SNX13: variants seen among roughly 807,000 people sequenced by gnomAD.
The protein encoded by SNX13 is sorting nexin-13.
Under a neutral mutation model 133.6 loss-of-function variants are expected in SNX13, and 45 were observed. The ratio of observed to expected loss-of-function variants is 0.34; its 90% confidence interval spans 0.27 to 0.43. The LOEUF (loss-of-function observed/expected upper bound fraction) is 0.43. Ranked by LOEUF, SNX13 falls within the 20% of genes least tolerant of loss-of-function variation. SNX13 has a pLI of 1.00. For synonymous variants in SNX13, 414 were observed against 373.9 expected (o/e 1.11, Z -1.24); for missense variants, 1,032 against 1,145.1 (o/e 0.90, Z 1.43).
rs143506312 is a variant in SNX13 at position 17,858,282 on chromosome 7, A to G, written c.838-7318T>C. 1.5e-3 allele frequency among the ~76,000 whole-genome samples: 235 copies of G among 152,278 alleles called. 2 individuals are homozygous for G. The highest frequency in any genetic ancestry group is 0.013 in the Admixed American group (206 of 15,300). On this transcript the variant is annotated intron_variant, in intron 9 of 25. Coordinates refer to ENST00000428135, the MANE Select transcript of SNX13 (RefSeq NM_015132.5). ...GAACACCATTTAGAAAAACCTAAAG[A>G]TTCCAAAAAATGTTGCAGAATACAA...
chr7:17,879,180 G>C (rs1795068103), intron 5 of SNX13, among the ~76,000 whole-genome samples: 2 of 152,288 alleles, frequency 1.3e-5, no homozygotes, highest in African/African-American at 4.8e-5. Flanking sequence ...GATTGACTGT[G>C]TCTGTTTTTT....
chr7:17,905,181 T>C (rs1164360388), intron 1 of SNX13, among the ~76,000 whole-genome samples: 1 of 152,188 alleles, frequency 6.6e-6, no homozygotes, highest in African/African-American at 2.4e-5. Context: ...AAATTAAATA[T>C]GAAACTAAGT....
chr7:17,915,481 C>G (rs751846973), intron 1 of SNX13, among the ~76,000 whole-genome samples: 1 of 152,184 alleles, frequency 6.6e-6, no homozygotes, highest in Non-Finnish European at 1.5e-5. Flanking sequence ...AGTCAACCGA[C>G]AAACAACCCC....
At chr7:17,861,342 T>TCTCA (rs1385021153) in intron 9 of SNX13, among the ~76,000 whole-genome samples, 8 of 143,120 alleles carry the variant, frequency 5.6e-5, no homozygotes, top group Admixed American at 4.9e-4. Flanking sequence ...TACAGTTATC[T>TCTCA]CACACACACA....
At chr7:17,855,476 G>A (rs772415861) in intron 9 of SNX13, among the ~76,000 whole-genome samples, 9 of 152,178 alleles carry the variant, frequency 5.9e-5, no homozygotes, top group South Asian at 4.1e-4. Flanking sequence ...AAGACAGAAT[G>A]AGTATCTTGT....
At position 17,936,929 on chromosome 7, in the gene SNX13, T is replaced by C. The variant is rs1310842595; in HGVS notation, c.12+3355A>G. On this transcript the variant is annotated intron_variant, in intron 1 of 25. Coordinates refer to ENST00000428135, the MANE Select transcript of SNX13 (RefSeq NM_015132.5). ...ACTATGACAAATTTTTTGCCAAGTATAGCAGGAGTCACATTAGAAGCAGGA... is the reference window on the plus strand; with the variant it reads ...ACTATGACAAATTTTTTGCCAAGTACAGCAGGAGTCACATTAGAAGCAGGA... Among the ~76,000 whole-genome samples the C allele has an allele frequency of 2.0e-5, 3 of 148,504 alleles. No homozygotes were observed. The Admixed American group carries it at 2.0e-4, about 10-fold the overall frequency.
chr7:17,854,499 C>T (rs548561771), intron 9 of SNX13, among the ~76,000 whole-genome samples: 2 of 152,302 alleles, frequency 1.3e-5, no homozygotes, highest in East Asian at 3.9e-4. Flanking sequence ...TCTAGCAACG[C>T]TGTGTCCAGA....
At chr7:17,811,074 T>C (rs1254548987) in intron 20 of SNX13, among the ~76,000 whole-genome samples, 1 of 152,186 alleles carries the variant, frequency 6.6e-6, no homozygotes, top group African/African-American at 2.4e-5. Flanking sequence ...GCTGGAAGCA[T>C]TCCCTTTAAA....
At chr7:17,900,016 A>G (rs182985976) in intron 1 of SNX13, 1 of 152,224 alleles carries the variant, frequency 6.6e-6, no homozygotes, top group Non-Finnish European at 1.5e-5. Context: ...CTGTAGCCAT[A>G]TATACATTAG....
chr7:17,895,887 C>T (rs1797152561), intron 2 of SNX13, among the ~76,000 whole-genome samples: 1 of 152,154 alleles, frequency 6.6e-6, no homozygotes, highest in Non-Finnish European at 1.5e-5. Context: ...TATAAAGCTG[C>T]AATATCCTCC....
At chr7:17,831,429 T>A in intron 15 of SNX13, 1 of 907,242 alleles carries the variant, frequency 1.1e-6, no homozygotes, top group Non-Finnish European at 1.3e-6. Flanking sequence ...TAATAATGAA[T>A]AAAGAGAAAG....
chr7:17,916,793 T>A (rs569268965), intron 1 of SNX13, among the ~76,000 whole-genome samples: 1 of 151,980 alleles, frequency 6.6e-6, no homozygotes, highest in East Asian at 1.9e-4. Context: ...GGAGGAGGGA[T>A]TCCTCCCTAA....
chr7:17,882,863 A>C, intron 5 of SNX13: 1 of 1,287,144 alleles, frequency 7.8e-7, no homozygotes, highest in Non-Finnish European at 1.0e-6. Context: ...TTTGTTAAAC[A>C]AAACAGGGTT....
chr7:17,845,754 G>A, intron 11 of SNX13, 60 bp from the exon 12 acceptor site: 1 of 1,174,394 alleles, frequency 8.5e-7, no homozygotes. Context: ...TTAAAGATGT[G>A]TACATAAATA....
intron 8 of SNX13, among the ~76,000 whole-genome samples, chr7:17,871,613 C>T (rs947985453): frequency 6.6e-6 from 1 of 152,162 alleles, no homozygotes; most frequent in African/African-American, 2.4e-5. Context: ...CAACAAGAAT[C>T]CTATTAAGTC....
At chr7:17,879,885 G>C (rs572476249) in intron 5 of SNX13, 2 of 152,260 alleles carry the variant, frequency 1.3e-5, no homozygotes, top group Admixed American at 1.3e-4. Flanking sequence ...CCCAAAGTTT[G>C]TTTTCTCTAA....
rs181476113 is a variant in SNX13 at position 17,929,226 on chromosome 7, A to G, written c.12+11058T>C. ...GATGGAAAGCATAGAGTGTAACTATATAAAGGAATAGAGAGAGATATAGAT... is the reference window on the plus strand; with the variant it reads ...GATGGAAAGCATAGAGTGTAACTATGTAAAGGAATAGAGAGAGATATAGAT... On this transcript the variant is annotated intron_variant, in intron 1 of 25. Coordinates refer to ENST00000428135, the MANE Select transcript of SNX13 (RefSeq NM_015132.5). Among the ~76,000 whole-genome samples, 422 of 152,210 alleles carry G rather than the reference A, an allele frequency of 2.8e-3. 11 individuals are homozygous for G. The highest frequency in any genetic ancestry group is 0.025 in the Admixed American group (381 of 15,288).
Position 17,883,813 on chromosome 7 carries a change from T to TA in SNX13, c.440+6549dup. On this transcript the variant is annotated intron_variant, in intron 5 of 25. Coordinates refer to ENST00000428135, the MANE Select transcript of SNX13 (RefSeq NM_015132.5). Reference sequence around the variant, plus strand: ...ATCACGCCACTCATGGGTGAGAACATACGGTGTTTGGTTTTCTGTTCTTGT... The same window carrying TA: ...ATCACGCCACTCATGGGTGAGAACATAACGGTGTTTGGTTTTCTGTTCTTGT... Among the ~76,000 whole-genome samples the TA allele has an allele frequency of 2.6e-5, 4 of 152,252 alleles. No individual in the cohort carries two copies. In the South Asian group the frequency reaches 8.3e-4, roughly 32 times the overall value.
chr7:17,832,118 T>C (rs889866396), intron 15 of SNX13: 3 of 983,942 alleles, frequency 3.0e-6, no homozygotes, highest in South Asian at 4.7e-5. Context: ...ATGTGAGGGG[T>C]TACTCAATAA....
Sources: allele counts gnomAD v4.1 joint callset (sites outside exome capture counted in the v4.1 genomes callset), GRCh38; gene constraint gnomAD v4.1.1; transcripts MANE v1.5; gene names NCBI Gene and HGNC (gene_info 2026-07-23, HGNC 2026-07-21).